The following RHBDD1 variants were observed in gnomAD, a reference collection of about 807,000 sequenced individuals.
RHBDD1 encodes rhomboid-related protein 4.
RHBDD1 carries 38 observed loss-of-function variants against 36.3 expected under a neutral mutation model. The ratio of observed to expected loss-of-function variants is 1.05; its 90% CI spans 0.81 to 1.37. The LOEUF (loss-of-function observed/expected upper bound fraction) is 1.37, where lower values mean the gene tolerates loss of function less well. Among genes scored for constraint, RHBDD1 ranks in the 40% most tolerant of loss-of-function variants. RHBDD1 has a pLI of 0.00. For synonymous variants in RHBDD1, 151 were observed against 136.5 expected (o/e 1.11, Z -0.74); for missense variants, 393 against 377.6 (o/e 1.04, Z -0.34).
At chr2:226,979,545 T>C (rs1955243073) in intron 8 of RHBDD1, among the ~76,000 whole-genome samples, 1 of 152,092 alleles carries the variant, frequency 6.6e-6, no homozygotes, top group African/African-American at 2.4e-5. Context: ...TTTACTTGGC[T>C]GGCTCATCAT....
At chr2:226,819,922 C>A in the RHBDD1 span, among the ~76,000 whole-genome samples, 1 of 151,014 alleles carries the variant, frequency 6.6e-6, no homozygotes, top group East Asian at 1.9e-4. Flanking sequence ...AAGGTAAAAA[C>A]CTGTTGGTAA....
chr2:226,821,505 G>T, the RHBDD1 span, among the ~76,000 whole-genome samples: 1 of 151,386 alleles, frequency 6.6e-6, no homozygotes, highest in Non-Finnish European at 1.5e-5. Context: ...TTTAAGTTTT[G>T]CTCTAATTTT....
intron 8 of RHBDD1, among the ~76,000 whole-genome samples, chr2:226,972,936 A>C (rs1334291761): frequency 1.3e-5 from 2 of 151,744 alleles, no homozygotes; most frequent in African/African-American, 2.4e-5. Context: ...TAGCAAAAAA[A>C]AAAAAAAAAC....
intron 8 of RHBDD1, among the ~76,000 whole-genome samples, chr2:226,978,296 T>G (rs1471803325): frequency 6.6e-6 from 1 of 152,224 alleles, no homozygotes; most frequent in African/African-American, 2.4e-5. Context: ...CAACCCTTCC[T>G]ATAGCCTGCT....
At chr2:226,850,396 C>T (rs950102283) in intron 3 of RHBDD1, among the ~76,000 whole-genome samples, 10 of 152,142 alleles carry the variant, frequency 6.6e-5, no homozygotes, top group Non-Finnish European at 1.5e-5. Flanking sequence ...AGCAAGGGTC[C>T]TCTATCCTGC....
At chr2:226,854,413 T>G (rs1284692313) in intron 3 of RHBDD1, among the ~76,000 whole-genome samples, 1 of 151,974 alleles carries the variant, frequency 6.6e-6, no homozygotes, top group Admixed American at 6.6e-5. Flanking sequence ...GCCAACATGG[T>G]GAAACCCTGT....
intron 8 of RHBDD1, among the ~76,000 whole-genome samples, chr2:226,990,591 G>A (rs1158332761): frequency 6.6e-6 from 1 of 152,054 alleles, no homozygotes; most frequent in Non-Finnish European, 1.5e-5. Context: ...ATCAACTCAT[G>A]GTGTTCCTTT....
At chr2:226,860,789 G>A (rs926891637) in intron 3 of RHBDD1, among the ~76,000 whole-genome samples, 5 of 152,112 alleles carry the variant, frequency 3.3e-5, no homozygotes, top group African/African-American at 7.2e-5. Flanking sequence ...CCCAAAAGAC[G>A]GGCACTTCTC....
chr2:226,810,217 T>G, the RHBDD1 span, among the ~76,000 whole-genome samples: 1 of 152,164 alleles, frequency 6.6e-6, no homozygotes, highest in Non-Finnish European at 1.5e-5. Context: ...CATTATATAC[T>G]GTATTTTTAA....
At chr2:226,911,237 G>A (rs576912362) in intron 7 of RHBDD1, among the ~76,000 whole-genome samples, 1 of 152,062 alleles carries the variant, frequency 6.6e-6, no homozygotes, top group African/African-American at 2.4e-5. Context: ...GCATTTTTGG[G>A]GGTGGATAGG....
chr2:226,857,612 A>G (rs1388522897), intron 3 of RHBDD1, among the ~76,000 whole-genome samples: 1 of 152,232 alleles, frequency 6.6e-6, no homozygotes, highest in Non-Finnish European at 1.5e-5. Flanking sequence ...GAAACAAAGT[A>G]TCGATAATTG....
chr2:226,886,544 A>T (rs1199449526), intron 5 of RHBDD1, among the ~76,000 whole-genome samples: 1 of 152,208 alleles, frequency 6.6e-6, no homozygotes, highest in East Asian at 1.9e-4. Flanking sequence ...GTTGTGCAGG[A>T]CACGGTCCTG....
At chr2:226,990,150 A>T (rs1957858071) in intron 8 of RHBDD1, among the ~76,000 whole-genome samples, 1 of 152,240 alleles carries the variant, frequency 6.6e-6, no homozygotes, top group Non-Finnish European at 1.5e-5. Flanking sequence ...TACTGTCTTT[A>T]AGCATCTCCC....
chr2:226,905,286 A>G (rs1947957388), intron 5 of RHBDD1, among the ~76,000 whole-genome samples: 1 of 152,126 alleles, frequency 6.6e-6, no homozygotes, highest in Non-Finnish European at 1.5e-5. Flanking sequence ...CTGTGCCACC[A>G]GCAGACTGGC....
intron 3 of RHBDD1, among the ~76,000 whole-genome samples, chr2:226,843,394 T>C (rs1941884437): frequency 1.3e-5 from 2 of 152,200 alleles, no homozygotes. Flanking sequence ...CAATATGATA[T>C]TGGCTGTGGG....
chr2:226,883,637 T>C (rs1010937759), intron 5 of RHBDD1, among the ~76,000 whole-genome samples: 1 of 152,234 alleles, frequency 6.6e-6, no homozygotes, highest in Admixed American at 6.5e-5. Context: ...ACCTAATCTG[T>C]ACTTAACTAA....
chr2:226,873,533 A>G (rs888034793), intron 5 of RHBDD1, among the ~76,000 whole-genome samples: 1 of 152,238 alleles, frequency 6.6e-6, no homozygotes. Flanking sequence ...CTGATGCCTC[A>G]TAAGCTTCTT....
intron 8 of RHBDD1, 77 bp downstream of exon 8, chr2:226,914,428 G>T (rs958034870): frequency 1.3e-6 from 2 of 1,484,034 alleles, no homozygotes. Context: ...GCTATTTGTA[G>T]CAAATTAAAT....
At chr2:226,922,808 A>G (rs964740040) in intron 8 of RHBDD1, among the ~76,000 whole-genome samples, 2 of 152,022 alleles carry the variant, frequency 1.3e-5, no homozygotes, top group African/African-American at 2.4e-5. Context: ...TCTGATTACC[A>G]TGAGGCTTGA....
Sources: gnomAD v4.1 joint callset for allele counts (sites outside exome capture counted in the v4.1 genomes callset) on GRCh38, gnomAD v4.1.1 for gene constraint, MANE v1.5 for transcripts, NCBI Gene and HGNC (gene_info 2026-07-23, HGNC 2026-07-21) for gene names.